TAGLN: variants seen among roughly 807,000 people sequenced by gnomAD.
TAGLN encodes 22 kDa actin-binding protein.
TAGLN carries 16 observed loss-of-function variants against 21.9 expected under a neutral mutation model. The ratio of observed to expected loss-of-function variants is 0.73; its 90% CI spans 0.49 to 1.11. TAGLN has a LOEUF of 1.11. Ranked by LOEUF, TAGLN falls within the 50% of genes least tolerant of loss-of-function variation. The pLI is 0.00. For missense variants in TAGLN, 248 were observed against 263.2 expected, an observed-to-expected ratio of 0.94 and a Z score of 0.40; for synonymous variants, 96 against 94.9, an observed-to-expected ratio of 1.01 and a Z score of -0.06.
In TAGLN at chr11:117,203,199, T is replaced by G; in HGVS notation, c.180+6T>G. On this transcript the variant is annotated splice_donor_region_variant and intron_variant, in intron 2 of 4. Transcript: ENST00000392951. This position sits in a 1 kb window ranked among gnomAD's most constrained non-coding sequence, Gnocchi z 4.4. ...TCTGGCTGAAGAATGGCGTGGTGAG[T>G]GGCACCCTGGGCTAGGGCGCTGGGG... 6.3e-7 allele frequency: 1 copy of G among 1,589,040 alleles called. No individual in the cohort carries two copies. The highest frequency in any genetic ancestry group is 8.6e-7 in the Non-Finnish European group (1 of 1,164,662).
Position 117,203,136 on chromosome 11 carries a change from T to A in TAGLN, c.123T>A (p.Asp41Glu). Reference sequence around the variant, plus strand: ...GGATCATAGTGCAGTGTGGCCCTGATGTGGGCCGCCCAGACCGTGGGCGCT... The same window carrying A: ...GGATCATAGTGCAGTGTGGCCCTGAAGTGGGCCGCCCAGACCGTGGGCGCT... ...VEWIIVQCGP[D>E]VGRPDRGRLG... The change falls in exon 2 of 5, where the codon GAT becomes GAA. Residue 41 changes from aspartate (D) to glutamate (E), a missense_variant. Physicochemically the swap from Asp to Glu is conservative, Grantham distance 45. Coordinates refer to ENST00000392951, the MANE Select transcript of TAGLN (RefSeq NM_003186.5). The surrounding 1 kb of genome is among the most constrained non-coding windows in gnomAD (Gnocchi z 4.4). 6.2e-7 allele frequency: 1 copy of A among 1,607,380 alleles called. No individual in the cohort carries two copies. Among genetic ancestry groups the A allele is most frequent in the Non-Finnish European group, 8.5e-7 (1 of 1,176,136 alleles).
In TAGLN at chr11:117,204,308, C is replaced by T. The variant is rs996739850; in HGVS notation, c.555C>T (p.Ala185=). The change falls in exon 5 of 5, where the codon GCC becomes GCT. Residue 185 remains alanine, a synonymous_variant. Transcript: ENST00000392951. ...TTCAGATGGGCAGCAACAGAGGGGC[C>T]TCCCAGGCCGGCATGACAGGCTACG... ...IGLQMGSNRG[A]SQAGMTGYGR... 5 of 1,614,138 alleles carry T rather than the reference C, an allele frequency of 3.1e-6. No homozygotes were observed. In the African/African-American group the frequency reaches 5.3e-5, roughly 17 times the overall value.
rs573079530 is a variant in TAGLN, at chr11:117,205,455, C to T, written c.*1096C>T. On this transcript the variant is annotated 3_prime_UTR_variant, in exon 5 of 5. Transcript: ENST00000392951. The stretch of plus-strand genomic sequence containing the variant: ...GCTGTGCCGGCAGCATCATACCAAT[C>T]GTGGGGGTGGTGAAGGAGCCAGGGG... 1.7e-4 allele frequency: 39 copies of T among 233,948 alleles called. No homozygotes were observed. The highest frequency in any genetic ancestry group is 5.5e-4 in the African/African-American group (25 of 45,480). 14.5% of individuals were successfully genotyped at this position (233,948 alleles called of 1,614,324 possible). A position where few individuals can be genotyped will look rare whatever the true frequency, so the allele number is the denominator to read the frequency against.
intron 1 of TAGLN, chr11:117,201,502 GA>G (rs1228840703): frequency 6.6e-6 from 1 of 152,244 alleles, no homozygotes; most frequent in Admixed American, 6.5e-5. Context: ...GGGCAGCAAA[GA>G]ACTGACATTT....
In TAGLN at chr11:117,203,157, G is replaced by A. The variant is rs2031168972; in HGVS notation, c.144G>A (p.Gly48=). The A allele has an allele frequency of 1.3e-6, 2 of 1,595,224 alleles. No individual in the cohort carries two copies. The highest frequency in any genetic ancestry group is 1.7e-6 in the Non-Finnish European group (2 of 1,168,600). The change falls in exon 2 of 5, where the codon GGG becomes GGA. Residue 48 remains glycine, a synonymous_variant. Coordinates refer to ENST00000392951, the MANE Select transcript of TAGLN (RefSeq NM_003186.5). The surrounding 1 kb of genome is among the most constrained non-coding windows in gnomAD (Gnocchi z 4.4). ...CGPDVGRPDR[G]RLGFQVWLKN... is the part of the protein sequence containing the mutation. ...CTGATGTGGGCCGCCCAGACCGTGG[G>A]CGCTTGGGCTTCCAGGTCTGGCTGA...
Position 117,203,702 on chromosome 11 carries a change from G to A in TAGLN, c.359-80G>A. On this transcript the variant is annotated intron_variant, in intron 3 of 4. Transcript: ENST00000392951. The surrounding 1 kb of genome is among the most constrained non-coding windows in gnomAD (Gnocchi z 4.4). ...GGCCCTGGTTTGGCCATTTTTTTGT[G>A]AGAGACGGGGGCAGGCCCTGGCTTG... The A allele has an allele frequency of 6.8e-7, 1 of 1,471,302 alleles. No individual in the cohort carries two copies. Among genetic ancestry groups the A allele is most frequent in the Non-Finnish European group, 9.4e-7 (1 of 1,067,388 alleles). 91.1% of individuals were successfully genotyped at this position (1,471,302 alleles called of 1,614,324 possible). A position where few individuals can be genotyped will look rare whatever the true frequency, so the allele number is the denominator to read the frequency against.
chr11:117,204,371 C>A lies in TAGLN; in HGVS notation c.*12C>A. ...AGATCATCAGTTAGAGCGGAGAGGG[C>A]TAGCCCTGAGCCCGGCCCTCCCCCA... is the stretch of plus-strand genomic sequence containing the variant. On this transcript the variant is annotated 3_prime_UTR_variant, in exon 5 of 5. Transcript: ENST00000392951. 1 of 1,614,230 alleles carries A rather than the reference C, an allele frequency of 6.2e-7. No homozygotes were observed. Among genetic ancestry groups the A allele is most frequent in the East Asian group, 2.2e-5 (1 of 44,882 alleles).
Position 117,205,173 on chromosome 11 carries a change from C to G in TAGLN, c.*814C>G, listed in dbSNP as rs554939779. The G allele has an allele frequency of 4.3e-6, 1 of 233,130 alleles. No homozygotes were observed. The highest frequency in any genetic ancestry group is 1.8e-4 in the South Asian group (1 of 5,530). The allele number at this position is 233,130 out of a possible 1,614,324, so 14.4% of individuals were successfully genotyped here. ...CAAATCTTAAGCATTAAAAAAAATT[C>G]AACCAACTAGCTCAGAAGAGGGGAG... On this transcript the variant is annotated 3_prime_UTR_variant, in exon 5 of 5. Coordinates refer to ENST00000392951, the MANE Select transcript of TAGLN (RefSeq NM_003186.5).
chr11:117,204,605 T>C lies in TAGLN; in HGVS notation c.*246T>C. 1.7e-6 allele frequency: 1 copy of C among 605,550 alleles called. No individual in the cohort carries two copies. Among genetic ancestry groups the C allele is most frequent in the South Asian group, 1.7e-5 (1 of 58,152 alleles). The allele number at this position is 605,550 out of a possible 1,614,324, so 37.5% of individuals were successfully genotyped here. A position where few individuals can be genotyped will look rare whatever the true frequency, so the allele number is the denominator to read the frequency against. ...TCCCGGCTGCCCCCATCACCTCTAC[T>C]GTCTCCTCCCTGGGCTAAGCAGGGG... On this transcript the variant is annotated 3_prime_UTR_variant, in exon 5 of 5. Transcript: ENST00000392951.
chr11:117,201,974 T>C (rs1346882237), intron 1 of TAGLN: 1 of 150,314 alleles, frequency 6.7e-6, no homozygotes, highest in Non-Finnish European at 1.5e-5. Context: ...CAGCCACCCC[T>C]GTCTGTCTGC....
chr11:117,199,919 C>T (rs187949041), intron 1 of TAGLN: 1 of 152,360 alleles, frequency 6.6e-6, no homozygotes, highest in African/African-American at 2.4e-5. Context: ...AGCCCTGTGA[C>T]AATGTGAAGG....
chr11:117,204,437 A>G lies in TAGLN; in HGVS notation c.*78A>G. The stretch of plus-strand genomic sequence containing the variant: ...CCATCCCGCTTAGCCTGCCTCACCC[A>G]CACCCGTGTGGTACCTTCAGCCCTG... On this transcript the variant is annotated 3_prime_UTR_variant, in exon 5 of 5. Coordinates refer to ENST00000392951, the MANE Select transcript of TAGLN (RefSeq NM_003186.5). 6.2e-7 allele frequency: 1 copy of G among 1,600,578 alleles called. No homozygotes were observed. The highest frequency in any genetic ancestry group is 8.5e-7 in the Non-Finnish European group (1 of 1,170,752).
chr11:117,200,681 C>T (rs1228576287), intron 1 of TAGLN, among the ~76,000 whole-genome samples: 1 of 152,050 alleles, frequency 6.6e-6, no homozygotes, highest in Non-Finnish European at 1.5e-5. Flanking sequence ...GTGTGTGCTT[C>T]ATCCCCCTCT....
Position 117,204,496 on chromosome 11 carries a change from T to A in TAGLN, c.*137T>A. 1 of 1,321,308 alleles carries A rather than the reference T, an allele frequency of 7.6e-7. No individual in the cohort carries two copies. The highest frequency in any genetic ancestry group is 1.1e-6 in the Non-Finnish European group (1 of 939,304). 81.8% of individuals were successfully genotyped at this position (1,321,308 alleles called of 1,614,324 possible). ...TTGAGGCTCTGTCACTGAGCAATGG[T>A]AACTGCACCTGGGCAGCTCCTCCCT... On this transcript the variant is annotated 3_prime_UTR_variant, in exon 5 of 5. Coordinates refer to ENST00000392951, the MANE Select transcript of TAGLN (RefSeq NM_003186.5).
Position 117,207,261 on chromosome 11 carries a change from A to AT in TAGLN, c.*2903dup. 1.6e-6 allele frequency: 1 copy of AT among 634,350 alleles called. No individual in the cohort carries two copies. The highest frequency in any genetic ancestry group is 1.7e-5 in the South Asian group (1 of 57,822). The allele number at this position is 634,350 out of a possible 1,614,324, so 39.3% of individuals were successfully genotyped here. ...TGCCACCCAAAGGGGCTCAGGCCAC[A>AT]TGGTCTGCTCCAGGAGCTGCCTCAC... On this transcript the variant is annotated 3_prime_UTR_variant, in exon 5 of 5. Transcript: ENST00000392951.
In TAGLN at chr11:117,203,355, G is replaced by A; in HGVS notation, c.229G>A (p.Val77Met). ...CCTGTACCCTGATGGCTCCAAGCCGGTGAAGGTGCCCGAGAACCCACCCTC... is the reference window on the plus strand; with the variant it reads ...CCTGTACCCTGATGGCTCCAAGCCGATGAAGGTGCCCGAGAACCCACCCTC... ...NSLYPDGSKP[V>M]KVPENPPSMV... The change falls in exon 3 of 5, where the codon GTG becomes ATG. Residue 77 changes from valine to methionine, a missense_variant. Val to Met is a conservative substitution (Grantham distance 21). Transcript: ENST00000392951. The surrounding 1 kb of genome is among the most constrained non-coding windows in gnomAD (Gnocchi z 4.4). 1 of 1,614,176 alleles carries A rather than the reference G, an allele frequency of 6.2e-7. No individual in the cohort carries two copies. Among genetic ancestry groups the A allele is most frequent in the East Asian group, 2.2e-5 (1 of 44,874 alleles).
At position 117,203,168 on chromosome 11, in the gene TAGLN, T is replaced by C; in HGVS notation, c.155T>C (p.Phe52Ser). The C allele has an allele frequency of 6.3e-7, 1 of 1,591,902 alleles. No individual in the cohort carries two copies. The highest frequency in any genetic ancestry group is 1.1e-5 in the South Asian group (1 of 88,324). The change falls in exon 2 of 5, where the codon TTC becomes TCC. Residue 52 changes from phenylalanine (F) to serine (S), a missense_variant. Transcript: ENST00000392951. This position sits in a 1 kb window ranked among gnomAD's most constrained non-coding sequence, Gnocchi z 4.4. ...CGCCCAGACCGTGGGCGCTTGGGCT[T>C]CCAGGTCTGGCTGAAGAATGGCGTG... ...VGRPDRGRLGFQVWLKNGVIL... is the reference protein window; with the variant it reads ...VGRPDRGRLGSQVWLKNGVIL...
rs1591784573 is a variant in TAGLN at position 117,206,427 on chromosome 11, A to T, written c.*2068A>T. ...CTACAGCCTTTCTCAGCCCAGGACA[A>T]TGAGCTCAGAAAGTCTTTTTCCTTC... On this transcript the variant is annotated 3_prime_UTR_variant, in exon 5 of 5. Transcript: ENST00000392951. 1 of 1,540,928 alleles carries T rather than the reference A, an allele frequency of 6.5e-7. No homozygotes were observed. The highest frequency in any genetic ancestry group is 1.4e-5 in the African/African-American group (1 of 72,358).
intron 1 of TAGLN, chr11:117,201,973 C>T (rs2031112339): frequency 6.7e-6 from 1 of 150,316 alleles, no homozygotes; most frequent in Non-Finnish European, 1.5e-5. Context: ...CCAGCCACCC[C>T]TGTCTGTCTG....
Sources: allele counts gnomAD v4.1 joint callset (sites outside exome capture counted in the v4.1 genomes callset), GRCh38; gene constraint gnomAD v4.1.1; non-coding constraint Gnocchi (gnomAD v3.1); transcripts MANE v1.5; gene names NCBI Gene and HGNC (gene_info 2026-07-23, HGNC 2026-07-21).